Variants in PCID2 observed in about 807,000 individuals in gnomAD.
The protein encoded by PCID2 is PCI domain containing 2.
Under a neutral mutation model 61.3 loss-of-function variants are expected in PCID2, and 41 were observed. The observed-to-expected ratio is 0.67, with a 90% CI of 0.52 to 0.87. The LOEUF (loss-of-function observed/expected upper bound fraction) is 0.87, where lower values mean the gene tolerates loss of function less well. Ranked by LOEUF, PCID2 falls within the 40% of genes least tolerant of loss-of-function variation. PCID2 has a pLI of 0.00. For synonymous variants in PCID2, 187 were observed against 177.8 expected, an observed-to-expected ratio of 1.05 and a Z score of -0.41; for missense variants, 392 against 493.4, an observed-to-expected ratio of 0.79 and a Z score of 1.95.
chr13:113,188,472 G>A (rs2038318438), intron 7 of PCID2: 1 of 152,264 alleles, frequency 6.6e-6, no homozygotes, highest in African/African-American at 2.4e-5. Context: ...AGGATGCTAA[G>A]TGGAAGTCCA....
chr13:113,183,150 C>T (rs995465429), intron 9 of PCID2, among the ~76,000 whole-genome samples: 7 of 152,136 alleles, frequency 4.6e-5, no homozygotes, highest in Non-Finnish European at 1.0e-4. Context: ...TTTGGGGACA[C>T]AGAATTACTC....
intron 10 of PCID2, among the ~76,000 whole-genome samples, chr13:113,180,822 G>A (rs2037563945): frequency 6.6e-6 from 1 of 152,068 alleles, no homozygotes; most frequent in Admixed American, 6.6e-5. Flanking sequence ...TTTTAACTTA[G>A]GTTTTAAGGG....
intron 7 of PCID2, chr13:113,187,624 A>G (rs1023885650): frequency 6.6e-6 from 1 of 152,192 alleles, no homozygotes; most frequent in Non-Finnish European, 1.5e-5. Context: ...CTTTTCATGC[A>G]CTTACTGGTC....
chr13:113,202,241 G>T (rs916056381), intron 1 of PCID2, among the ~76,000 whole-genome samples: 2 of 152,158 alleles, frequency 1.3e-5, no homozygotes, highest in African/African-American at 4.8e-5. Flanking sequence ...CAACACACTG[G>T]AGCCCAACTC....
chr13:113,190,598 G>A, intron 7 of PCID2: 1 of 298,396 alleles, frequency 3.4e-6, no homozygotes, highest in Non-Finnish European at 6.1e-6. Flanking sequence ...AGTGCCTCAG[G>A]AAAGGGAAAT....
Position 113,178,258 on chromosome 13 carries a change from C to T in PCID2, c.1140G>A (p.Gln380=), listed in dbSNP as rs754003312. The T allele has an allele frequency of 4.3e-6, 7 of 1,613,728 alleles. No individual in the cohort carries two copies. The South Asian group carries it at 6.6e-5, about 15-fold the overall frequency. Residue 380 remains glutamine (Q), a synonymous_variant, in exon 14 of 14, where the codon CAG becomes CAA. Transcript: ENST00000337344. ...GCTTGCTGACCACCAGCTTCTGATG[C>T]TGATGCGATATGTAGCCTTTGACGT... ...MGHVKGYISH[Q]HQKLVVSKQN...
intron 9 of PCID2, 145 bp downstream of exon 9, chr13:113,184,200 GC>G: frequency 2.3e-6 from 2 of 885,272 alleles, no homozygotes; most frequent in South Asian, 3.6e-5. Context: ...CCTTTAATCA[GC>G]TTTAGTGTCA....
At position 113,178,050 on chromosome 13, in the gene PCID2, T is replaced by G. The variant is rs900351827; in HGVS notation, c.*148A>C. The G allele has an allele frequency of 1.3e-5, 7 of 549,070 alleles. No homozygotes were observed. The highest frequency in any genetic ancestry group is 1.1e-4 in the African/African-American group (6 of 52,684). 34.0% of individuals were successfully genotyped at this position (549,070 alleles called of 1,614,324 possible). A position where few individuals can be genotyped will look rare whatever the true frequency, so the allele number is the denominator to read the frequency against. On this transcript the variant is annotated 3_prime_UTR_variant, in exon 14 of 14. Transcript: ENST00000337344. ...ATGAAGGAGATTAACTCGGGTGTGC[T>G]GAAAATCTCAGCCTCAGCATCCCTG...
chr13:113,187,938 A>G (rs1411015317), intron 7 of PCID2: 1 of 152,242 alleles, frequency 6.6e-6, no homozygotes, highest in Non-Finnish European at 1.5e-5. Context: ...CTGCTGTGCA[A>G]AAATATACGA....
intron 1 of PCID2, among the ~76,000 whole-genome samples, chr13:113,201,688 C>T (rs7318409): frequency 0.93 from 140,530 of 151,610 alleles, 66,075 homozygotes; most frequent in East Asian, 1. Flanking sequence ...GGTGGGCATC[C>T]GTAGTCCCAG....
At chr13:113,182,654 C>G (rs775766346) in intron 9 of PCID2, among the ~76,000 whole-genome samples, 18 of 152,282 alleles carry the variant, frequency 1.2e-4, no homozygotes, top group African/African-American at 4.1e-4. Context: ...CACCCACCAC[C>G]GTTGCCCAGC....
chr13:113,173,733 A>G (rs577872665), downstream of PCID2, among the ~76,000 whole-genome samples: 5 of 152,362 alleles, frequency 3.3e-5, no homozygotes, highest in African/African-American at 9.6e-5. Flanking sequence ...GGTGAATTTT[A>G]AAGTCTTAGT....
chr13:113,167,186 C>T, the PCID2 span, among the ~76,000 whole-genome samples: 1 of 152,186 alleles, frequency 6.6e-6, no homozygotes, highest in Non-Finnish European at 1.5e-5. Flanking sequence ...CACTAAAAGT[C>T]TGGCAGACTG....
chr13:113,182,162 C>T (rs984360800), intron 9 of PCID2, among the ~76,000 whole-genome samples: 2 of 152,228 alleles, frequency 1.3e-5, no homozygotes, highest in Non-Finnish European at 2.9e-5. Context: ...GAATGGGTCA[C>T]CAGAAGCAGC....
intron 5 of PCID2, among the ~76,000 whole-genome samples, 163 bp downstream of exon 5, chr13:113,196,018 T>C (rs1405407445): frequency 6.6e-6 from 1 of 152,226 alleles, no homozygotes; most frequent in African/African-American, 2.4e-5. Flanking sequence ...TTTACTAGAT[T>C]TGTGACTCCA....
the PCID2 span, chr13:113,166,492 C>T: frequency 1.3e-5 from 2 of 152,174 alleles, no homozygotes; most frequent in Non-Finnish European, 2.9e-5. Context: ...TCTTACAAGA[C>T]AGCTGTGCCC....
intron 6 of PCID2, among the ~76,000 whole-genome samples, 190 bp from the exon 7 acceptor site, chr13:113,191,165 T>C (rs565398032): frequency 1.3e-5 from 2 of 152,068 alleles, no homozygotes; most frequent in Non-Finnish European, 2.9e-5. Context: ...TGGCTAGTTT[T>C]GGGTTTTGTT....
intron 9 of PCID2, among the ~76,000 whole-genome samples, chr13:113,183,163 T>G (rs954260266): frequency 6.6e-6 from 1 of 152,168 alleles, no homozygotes; most frequent in Non-Finnish European, 1.5e-5. Flanking sequence ...AATTACTCAG[T>G]AATCTCAGAG....
chr13:113,201,345 T>G (rs1034474361), intron 1 of PCID2, among the ~76,000 whole-genome samples: 2 of 152,076 alleles, frequency 1.3e-5, no homozygotes, highest in African/African-American at 2.4e-5. Flanking sequence ...AGAGAAAAAT[T>G]ACGTACAACA....
Sources: allele counts gnomAD v4.1 joint callset (sites outside exome capture counted in the v4.1 genomes callset), GRCh38; gene constraint gnomAD v4.1.1; transcripts MANE v1.5; gene names NCBI Gene and HGNC (gene_info 2026-07-23, HGNC 2026-07-21).